Variants in ADAMTS20 observed in about 807,000 individuals in gnomAD.
ADAMTS20 encodes ADAM metallopeptidase with thrombospondin type 1 motif 20.
A neutral mutation model predicts 260.1 loss-of-function variants in ADAMTS20; 225 were observed. That is an observed-to-expected ratio of 0.87 (90% CI 0.78 to 0.97). The LOEUF is 0.97. Among genes scored for constraint, ADAMTS20 ranks in the 50% least tolerant of loss-of-function variants. The pLI, the probability that ADAMTS20 is intolerant of heterozygous loss-of-function variation, is 0.00. For missense variants in ADAMTS20, 2,400 were observed against 2,337.7 expected, an observed-to-expected ratio of 1.03 and a Z score of -0.55; for synonymous variants, 802 against 769.5, an observed-to-expected ratio of 1.04 and a Z score of -0.70.
intron 36 of ADAMTS20, among the ~76,000 whole-genome samples, chr12:43,370,259 A>G (rs188740290): frequency 2.0e-4 from 31 of 152,334 alleles, no homozygotes; most frequent in African/African-American, 7.2e-4. Context: ...TACCAGAGCC[A>G]GCTTGTACCA....
chr12:43,375,022 G>A (rs907824005), intron 36 of ADAMTS20, among the ~76,000 whole-genome samples: 1 of 151,846 alleles, frequency 6.6e-6, no homozygotes, highest in Non-Finnish European at 1.5e-5. Context: ...AATACAAAAA[G>A]TTAGCTGGGC....
At chr12:43,528,347 GC>G (rs1565583144) in intron 3 of ADAMTS20, among the ~76,000 whole-genome samples, 55 of 2,304 alleles carry the variant, frequency 0.024, no homozygotes, top group Admixed American at 0.061. Flanking sequence ...GCAATCCTAA[GC>G]AAAAAAAAAA....
intron 3 of ADAMTS20, among the ~76,000 whole-genome samples, chr12:43,522,188 G>A (rs553455461): frequency 6.8e-6 from 1 of 147,078 alleles, no homozygotes; most frequent in African/African-American, 2.5e-5. Flanking sequence ...GAGGAAGCAA[G>A]GCACGTTAAT....
At chr12:43,415,008 T>G (rs747408175) in intron 28 of ADAMTS20, among the ~76,000 whole-genome samples, 3 of 152,150 alleles carry the variant, frequency 2.0e-5, no homozygotes, top group African/African-American at 2.4e-5. Context: ...TATATACAAG[T>G]CATAGAAGTT....
chr12:43,391,937 A>G (rs1422719688), intron 29 of ADAMTS20, among the ~76,000 whole-genome samples: 1 of 152,182 alleles, frequency 6.6e-6, no homozygotes, highest in East Asian at 1.9e-4. Context: ...GCAACCACCA[A>G]CTTCAAAGAG....
intron 28 of ADAMTS20, among the ~76,000 whole-genome samples, chr12:43,409,916 G>T (rs1941000524): frequency 6.6e-6 from 1 of 152,148 alleles, no homozygotes. Flanking sequence ...CATTCAATAG[G>T]GAAGGAATCA....
Position 43,383,647 on chromosome 12 carries a change from C to T in ADAMTS20, c.4708G>A (p.Val1570Ile). 6.2e-7 allele frequency: 1 copy of T among 1,613,862 alleles called. No individual in the cohort carries two copies. Among genetic ancestry groups the T allele is most frequent in the Non-Finnish European group, 8.5e-7 (1 of 1,179,840 alleles). ...DNQIRQVNEI[V>I]YNSSTISLTS... ...AGAGATATGGTTGAAGAATTATAGA[C>T]TATTTCATTCACTTGTCTGATTTGG... is the stretch of plus-strand genomic sequence containing the variant. Residue 1570 changes from valine to isoleucine, a missense_variant, in exon 31 of 39, where the codon GTC (valine) becomes ATC (isoleucine). Physicochemically the swap from Val to Ile is conservative, Grantham distance 29. Coordinates refer to ENST00000389420, the MANE Select transcript of ADAMTS20 (RefSeq NM_025003.5).
chr12:43,472,871 A>G (rs1170231154), intron 7 of ADAMTS20, among the ~76,000 whole-genome samples: 514 of 148,198 alleles, frequency 3.5e-3, no homozygotes, highest in African/African-American at 0.013. Flanking sequence ...GGTACCAGCC[A>G]CTGCAAAATC....
At chr12:43,518,272 A>T (rs959877860) in intron 3 of ADAMTS20, among the ~76,000 whole-genome samples, 46 of 152,260 alleles carry the variant, frequency 3.0e-4, no homozygotes, top group African/African-American at 1.1e-3. Flanking sequence ...TAGCTTGTTA[A>T]GGTCACCAAT....
At chr12:43,386,298 T>C (rs1940475627) in intron 29 of ADAMTS20, among the ~76,000 whole-genome samples, 1 of 152,184 alleles carries the variant, frequency 6.6e-6, no homozygotes, top group Non-Finnish European at 1.5e-5. Context: ...TCTTTAAAAA[T>C]GTTGAATATC....
At chr12:43,505,553 T>C (rs1271292228) in intron 3 of ADAMTS20, among the ~76,000 whole-genome samples, 3 of 152,090 alleles carry the variant, frequency 2.0e-5, no homozygotes, top group African/African-American at 7.2e-5. Context: ...CAATTAATCA[T>C]TAAAGAAATG....
intron 2 of ADAMTS20, among the ~76,000 whole-genome samples, chr12:43,544,576 A>G (rs1943418057): frequency 6.6e-6 from 1 of 152,200 alleles, no homozygotes; most frequent in Non-Finnish European, 1.5e-5. Context: ...TGCCAAGAGA[A>G]GATCAGGGGA....
intron 28 of ADAMTS20, among the ~76,000 whole-genome samples, chr12:43,420,965 G>A (rs1229138047): frequency 5.3e-5 from 8 of 151,068 alleles, no homozygotes; most frequent in African/African-American, 1.5e-4. Context: ...ATGCCACCAC[G>A]CCCAGGTAAT....
At chr12:43,384,572 T>C (rs1244164165) in intron 29 of ADAMTS20, among the ~76,000 whole-genome samples, 1 of 152,158 alleles carries the variant, frequency 6.6e-6, no homozygotes, top group African/African-American at 2.4e-5. Context: ...TCATCTGCAT[T>C]AGGTATTTCT....
At chr12:43,442,331 C>T (rs1941681819) in intron 16 of ADAMTS20, among the ~76,000 whole-genome samples, 1 of 151,140 alleles carries the variant, frequency 6.6e-6, no homozygotes, top group Admixed American at 6.6e-5. Context: ...AATTTCAGCT[C>T]ACTGCAACCT....
In ADAMTS20 at chr12:43,410,841, T is replaced by C. The variant is rs115556390; in HGVS notation, c.4285-11608A>G. Reference sequence around the variant, plus strand: ...TGAGAATTGGAAGCAAATGTTTACTTAGTTTTCCTAAAAAGAAATGGGCTA... The same window carrying C: ...TGAGAATTGGAAGCAAATGTTTACTCAGTTTTCCTAAAAAGAAATGGGCTA... On this transcript the variant is annotated intron_variant, in intron 28 of 38. Coordinates refer to ENST00000389420, the MANE Select transcript of ADAMTS20 (RefSeq NM_025003.5). 5.4e-3 allele frequency among the ~76,000 whole-genome samples: 822 copies of C among 152,306 alleles called. 7 individuals carry two copies. Among genetic ancestry groups the C allele is most frequent in the African/African-American group, 0.018 (748 of 41,582 alleles).
intron 28 of ADAMTS20, among the ~76,000 whole-genome samples, chr12:43,420,800 C>CTTTTTTTTTTTTTTTT (rs747496684): frequency 0.011 from 633 of 55,490 alleles, 89 homozygotes; most frequent in Middle Eastern, 0.024. Context: ...CCTCCTCCTT[C>CTTTTTTTTTTTTTTTT]TTTTTTTTTT....
intron 3 of ADAMTS20, among the ~76,000 whole-genome samples, chr12:43,514,378 C>CATGGGAA (rs1217355740): frequency 1.3e-5 from 2 of 151,698 alleles, no homozygotes; most frequent in Non-Finnish European, 2.9e-5. Flanking sequence ...TCCTGGCCAA[C>CATGGGAA]ATGGGAAACC....
At chr12:43,378,078 T>C (rs1002859437) in intron 31 of ADAMTS20, among the ~76,000 whole-genome samples, 23 of 152,240 alleles carry the variant, frequency 1.5e-4, no homozygotes, top group Admixed American at 6.5e-5. Context: ...AGATTTCTGC[T>C]TTTAGCAAAA....
Sources: gnomAD v4.1 joint callset for allele counts (sites outside exome capture counted in the v4.1 genomes callset) on GRCh38, gnomAD v4.1.1 for gene constraint, MANE v1.5 for transcripts, NCBI Gene and HGNC (gene_info 2026-07-23, HGNC 2026-07-21) for gene names.